Variants in TRPM7 observed in about 807,000 individuals in gnomAD.
The protein encoded by TRPM7 is transient receptor potential cation channel subfamily M member 7, also known as LTRPC ion channel family member 7.
In TRPM7, 134 loss-of-function variants were observed where a neutral mutation model predicts 229.7. The ratio of observed to expected loss-of-function variants is 0.58; its 90% confidence interval spans 0.51 to 0.67. The LOEUF (loss-of-function observed/expected upper bound fraction) is 0.67. TRPM7 is among the 30% of genes least tolerant of loss of function. TRPM7 has a pLI of 0.00. For missense variants in TRPM7, 1,901 were observed against 2,210.0 expected (o/e 0.86, Z 2.80); for synonymous variants, 699 against 715.2 (o/e 0.98, Z 0.36).
intron 1 of TRPM7, among the ~76,000 whole-genome samples, chr15:50,677,738 C>CA (rs10652951): frequency 0.24 from 8,884 of 37,796 alleles, 819 homozygotes; most frequent in Non-Finnish European, 0.29. Context: ...GACCCCGTAT[C>CA]AAAAAAAAAA....
At chr15:50,588,279 A>G (rs2059394571) in intron 27 of TRPM7, 3 of 977,118 alleles carry the variant, frequency 3.1e-6, no homozygotes, top group Non-Finnish European at 3.6e-6. Flanking sequence ...TTATGCAACT[A>G]TTCTCAAACT....
chr15:50,643,628 G>C, intron 4 of TRPM7, 75 bp from the exon 5 acceptor site: 1 of 1,224,802 alleles, frequency 8.2e-7, no homozygotes, highest in Non-Finnish European at 1.2e-6. Context: ...ATATGACTTT[G>C]GAAAATTTTA....
At chr15:50,663,655 C>T (rs2061795174) in intron 1 of TRPM7, among the ~76,000 whole-genome samples, 1 of 152,128 alleles carries the variant, frequency 6.6e-6, no homozygotes, top group Admixed American at 6.5e-5. Context: ...TGGTATTATT[C>T]TGGGATATGA....
At position 50,592,440 on chromosome 15, in the gene TRPM7, T is replaced by C. The variant is rs369190265; in HGVS notation, c.3795A>G (p.Thr1265=). 2.3e-4 allele frequency: 371 copies of C among 1,614,058 alleles called. 1 individual carries two copies. Among genetic ancestry groups the C allele is most frequent in the Admixed American group, 4.7e-4 (28 of 60,004 alleles). ...AGTGTTTGGAAATGCTCAGTTCTCG[T>C]GTGATTTCATTATGAACTTTGCTAG... The part of the protein sequence containing the change: ...SEASKVHNEI[T]RELSISKHLA... Residue 1265 remains threonine, a synonymous_variant, in exon 26 of 39, where the codon ACA becomes ACG. Transcript: ENST00000646667.
At chr15:50,653,420 A>C (rs1203616197) in intron 3 of TRPM7, among the ~76,000 whole-genome samples, 1 of 152,238 alleles carries the variant, frequency 6.6e-6, no homozygotes, top group Non-Finnish European at 1.5e-5. Flanking sequence ...GTACCACTAC[A>C]TGCTAAGTCT....
chr15:50,616,392 A>G (rs1339816168), intron 13 of TRPM7, among the ~76,000 whole-genome samples: 1 of 152,216 alleles, frequency 6.6e-6, no homozygotes, highest in Non-Finnish European at 1.5e-5. Flanking sequence ...TCTTTCTTAG[A>G]AACATGGTCT....
At chr15:50,667,612 C>G (rs1437473431) in intron 1 of TRPM7, among the ~76,000 whole-genome samples, 1 of 152,152 alleles carries the variant, frequency 6.6e-6, no homozygotes, top group African/African-American at 2.4e-5. Context: ...GAAGCTGAGG[C>G]AGGAGAATCG....
At chr15:50,617,179 TA>T (rs869137377) in intron 13 of TRPM7, among the ~76,000 whole-genome samples, 1 of 133,142 alleles carries the variant, frequency 7.5e-6, no homozygotes, top group Non-Finnish European at 1.6e-5. Context: ...AATAAATAAA[TA>T]AAATAAATTA....
rs144500424 is a variant in TRPM7 at position 50,565,075 on chromosome 15, G to A, written c.5468-3267C>T. ...CTCCTCACTGCAACCTGTGCCTCTCGGGTTCAAGCAATTCGCCTGCCTCAG... is the reference window on the plus strand; with the variant it reads ...CTCCTCACTGCAACCTGTGCCTCTCAGGTTCAAGCAATTCGCCTGCCTCAG... On this transcript the variant is annotated intron_variant, in intron 38 of 38. Coordinates refer to ENST00000646667, the MANE Select transcript of TRPM7 (RefSeq NM_017672.6). Among the ~76,000 whole-genome samples the A allele has an allele frequency of 1.4e-3, 219 of 151,668 alleles. 3 individuals are homozygous for A. In the East Asian group the frequency reaches 0.036, roughly 25 times the overall value.
chr15:50,601,180 C>G (rs2059771405), intron 21 of TRPM7, among the ~76,000 whole-genome samples: 1 of 152,134 alleles, frequency 6.6e-6, no homozygotes, highest in Admixed American at 6.5e-5. Flanking sequence ...TCTGTATTGA[C>G]GTAAACTAAA....
In TRPM7 at chr15:50,575,024, T is replaced by C. The variant is rs763725184; in HGVS notation, c.4847A>G (p.Lys1616Arg). Residue 1616 changes from lysine (K) to arginine (R), a missense_variant, in exon 34 of 39, where the codon AAA becomes AGA. Transcript: ENST00000646667. ...TCGTAAACCTCCTCCCATCTCCTCT[T>C]TGCTTAAAAACTCTATTTTGGCACA... ...GLCAKIEFLS[K>R]EEMGGGLRRA... The C allele has an allele frequency of 3.7e-6, 6 of 1,614,020 alleles. No homozygotes were observed. Among genetic ancestry groups the C allele is most frequent in the Admixed American group, 1.7e-5 (1 of 59,998 alleles).
chr15:50,645,221 T>C (rs2061228274), intron 4 of TRPM7, among the ~76,000 whole-genome samples: 1 of 152,128 alleles, frequency 6.6e-6, no homozygotes, highest in Admixed American at 6.5e-5. Flanking sequence ...TTTGTATTTT[T>C]GGTAGACACA....
intron 21 of TRPM7, chr15:50,603,953 A>G (rs1287029011): frequency 6.6e-6 from 1 of 152,232 alleles, no homozygotes; most frequent in Non-Finnish European, 1.5e-5. Flanking sequence ...GATGTACGTT[A>G]AACTGTTAAT....
At chr15:50,571,767 T>C (rs938660778) in intron 36 of TRPM7, among the ~76,000 whole-genome samples, 2 of 152,242 alleles carry the variant, frequency 1.3e-5, no homozygotes, top group African/African-American at 4.8e-5. Context: ...AAGATATTCC[T>C]ATGTAAAAAT....
intron 2 of TRPM7, among the ~76,000 whole-genome samples, chr15:50,660,713 C>T (rs16963844): frequency 0.058 from 8,869 of 152,252 alleles, 332 homozygotes; most frequent in African/African-American, 0.11. Flanking sequence ...GAAAATGTTA[C>T]TCCAGTCATT....
At chr15:50,564,575 A>G (rs1169332312) in intron 38 of TRPM7, among the ~76,000 whole-genome samples, 1 of 152,064 alleles carries the variant, frequency 6.6e-6, no homozygotes, top group Non-Finnish European at 1.5e-5. Flanking sequence ...AAAAGGATAC[A>G]CGTGCAGAAC....
chr15:50,613,398 AG>A lies in TRPM7; in HGVS notation c.1770+308del, dbSNP rs1401451118. On this transcript the variant is annotated intron_variant, in intron 15 of 38. Transcript: ENST00000646667. ...GTGCCTGTAGTCTCAGCTACTCGGGAGGCTGAGGCAGGAGAATCACTCGAAC... is the reference window on the plus strand; with the variant it reads ...GTGCCTGTAGTCTCAGCTACTCGGGAGCTGAGGCAGGAGAATCACTCGAAC... 2.0e-5 allele frequency among the ~76,000 whole-genome samples: 3 copies of A among 146,682 alleles called. No individual in the cohort carries two copies. The East Asian group carries it at 6.6e-4, about 32-fold the overall frequency.
chr15:50,632,839 C>A, intron 9 of TRPM7, 30 bp downstream of exon 9: 1 of 1,500,760 alleles, frequency 6.7e-7, no homozygotes, highest in South Asian at 1.4e-5. Flanking sequence ...GGCCTATCAG[C>A]TTTTTAAATT....
chr15:50,599,593 G>T (rs3848128), intron 21 of TRPM7: 40,693 of 209,036 alleles, frequency 0.19, 4,878 homozygotes, highest in East Asian at 0.43. Flanking sequence ...TGTGGTACGT[G>T]AAGATTTTCA....
Sources: gnomAD v4.1 joint callset for allele counts (sites outside exome capture counted in the v4.1 genomes callset) on GRCh38, gnomAD v4.1.1 for gene constraint, MANE v1.5 for transcripts, NCBI Gene and HGNC (gene_info 2026-07-23, HGNC 2026-07-21) for gene names.